Variants in STXBP5L observed in about 807,000 individuals in gnomAD.
STXBP5L encodes syntaxin binding protein 5L.
Under a neutral mutation model 144.5 loss-of-function variants are expected in STXBP5L, and 65 were observed. The ratio of observed to expected loss-of-function variants is 0.45; its 90% CI spans 0.37 to 0.55. The LOEUF is 0.55. Among genes scored for constraint, STXBP5L ranks in the 20% least tolerant of loss-of-function variants. STXBP5L has a pLI of 0.00. For synonymous variants in STXBP5L, 505 were observed against 469.6 expected, an observed-to-expected ratio of 1.08 and a Z score of -0.97; for missense variants, 1,298 against 1,405.5, an observed-to-expected ratio of 0.92 and a Z score of 1.22.
chr3:120,979,201 CA>C (rs1941462531), intron 3 of STXBP5L, among the ~76,000 whole-genome samples: 1 of 152,226 alleles, frequency 6.6e-6, no homozygotes, highest in South Asian at 2.1e-4. Context: ...GGGCTTCCCC[CA>C]GTTGGAGCTT....
chr3:120,971,157 A>C (rs1403790632), intron 3 of STXBP5L, among the ~76,000 whole-genome samples: 1 of 152,070 alleles, frequency 6.6e-6, no homozygotes, highest in East Asian at 1.9e-4. Flanking sequence ...TCTGGTTAGA[A>C]ATTTGGGCCT....
At chr3:120,962,914 A>T (rs1419068363) in intron 3 of STXBP5L, among the ~76,000 whole-genome samples, 1 of 152,218 alleles carries the variant, frequency 6.6e-6, no homozygotes, top group Non-Finnish European at 1.5e-5. Flanking sequence ...TGAGCATGGA[A>T]TATTCTTCCA....
At chr3:120,980,098 C>T (rs551159815) in intron 3 of STXBP5L, among the ~76,000 whole-genome samples, 122 of 152,120 alleles carry the variant, frequency 8.0e-4, no homozygotes, top group African/African-American at 2.9e-3. Flanking sequence ...TACTTGATTT[C>T]AATTTAAAAG....
chr3:121,199,244 T>C (rs1191294), intron 9 of STXBP5L, among the ~76,000 whole-genome samples: 74,324 of 151,914 alleles, frequency 0.49, 18,637 homozygotes, highest in East Asian at 0.73. Flanking sequence ...TTTGTAGCAA[T>C]TATGAATAGG....
chr3:121,012,589 C>T (rs1430630708), intron 3 of STXBP5L, among the ~76,000 whole-genome samples: 1 of 151,746 alleles, frequency 6.6e-6, no homozygotes, highest in East Asian at 1.9e-4. Context: ...TGATGTTGAC[C>T]TTCTTTTCAT....
At chr3:120,970,427 A>C (rs1940110919) in intron 3 of STXBP5L, among the ~76,000 whole-genome samples, 1 of 152,140 alleles carries the variant, frequency 6.6e-6, no homozygotes, top group Admixed American at 6.6e-5. Flanking sequence ...AATGTGTTTA[A>C]ATGATACTTT....
chr3:121,252,873 G>A (rs891696831), intron 15 of STXBP5L, among the ~76,000 whole-genome samples: 6 of 152,134 alleles, frequency 3.9e-5, no homozygotes, highest in Non-Finnish European at 8.8e-5. Flanking sequence ...TGAGACTGAA[G>A]GTTCTCTTCC....
At chr3:121,334,169 G>A (rs1231086002) in intron 20 of STXBP5L, among the ~76,000 whole-genome samples, 1 of 152,146 alleles carries the variant, frequency 6.6e-6, no homozygotes, top group Non-Finnish European at 1.5e-5. Context: ...CCCCGGCCAT[G>A]TGGAACTGTA....
intron 9 of STXBP5L, among the ~76,000 whole-genome samples, chr3:121,199,998 A>C (rs1324405194): frequency 6.6e-6 from 1 of 152,160 alleles, no homozygotes. Context: ...CTGGCCTCAC[A>C]AAATGAGTTA....
At chr3:121,383,784 T>G (rs2046368775) in intron 22 of STXBP5L, among the ~76,000 whole-genome samples, 1 of 152,192 alleles carries the variant, frequency 6.6e-6, no homozygotes. Flanking sequence ...GTCCCGGTCT[T>G]CACTCTCCTT....
At chr3:121,283,651 T>G (rs1559934311) in intron 19 of STXBP5L, among the ~76,000 whole-genome samples, 1 of 152,034 alleles carries the variant, frequency 6.6e-6, no homozygotes. Context: ...ATGGCAGAGT[T>G]GAGTAGCTGC....
chr3:121,002,376 C>A (rs1576624912), intron 3 of STXBP5L, among the ~76,000 whole-genome samples: 1 of 152,164 alleles, frequency 6.6e-6, no homozygotes, highest in Admixed American at 6.5e-5. Flanking sequence ...CTATTCAGGT[C>A]ATTTGCCCAT....
chr3:120,967,553 A>G (rs1452699070), intron 3 of STXBP5L, among the ~76,000 whole-genome samples: 1 of 152,130 alleles, frequency 6.6e-6, no homozygotes, highest in Non-Finnish European at 1.5e-5. Flanking sequence ...TTTTTTCAAA[A>G]CATCATTTTT....
intron 2 of STXBP5L, among the ~76,000 whole-genome samples, chr3:120,937,500 G>A (rs967347070): frequency 3.3e-5 from 5 of 152,108 alleles, no homozygotes; most frequent in African/African-American, 7.2e-5. Context: ...CTTCCCACGC[G>A]GAAGTTTCTG....
intron 20 of STXBP5L, among the ~76,000 whole-genome samples, chr3:121,351,243 G>A (rs770777394): frequency 6.6e-6 from 1 of 152,144 alleles, no homozygotes; most frequent in Non-Finnish European, 1.5e-5. Context: ...CTGTTTGCCT[G>A]GGTATCAGCA....
intron 3 of STXBP5L, among the ~76,000 whole-genome samples, chr3:120,962,723 T>C (rs1488658234): frequency 1.3e-5 from 2 of 152,240 alleles, no homozygotes; most frequent in Non-Finnish European, 2.9e-5. Context: ...TGGCTCCAGC[T>C]TTGTTCATTT....
At chr3:121,349,213 G>A (rs978767847) in intron 20 of STXBP5L, among the ~76,000 whole-genome samples, 16 of 151,972 alleles carry the variant, frequency 1.1e-4, no homozygotes, top group Non-Finnish European at 1.6e-4. Context: ...ATTTTGTTAT[G>A]TACCCAGTAG....
At chr3:121,344,440 T>A (rs931384098) in intron 20 of STXBP5L, among the ~76,000 whole-genome samples, 5 of 151,642 alleles carry the variant, frequency 3.3e-5, no homozygotes, top group Non-Finnish European at 5.9e-5. Flanking sequence ...GCAACATTGG[T>A]CCCCCTAAGC....
intron 2 of STXBP5L, among the ~76,000 whole-genome samples, chr3:120,953,912 T>G (rs1257297859): frequency 6.6e-6 from 1 of 152,194 alleles, no homozygotes; most frequent in Non-Finnish European, 1.5e-5. Context: ...AAAACATTGA[T>G]TCTTTCACTA....
Sources: allele counts gnomAD v4.1 joint callset (sites outside exome capture counted in the v4.1 genomes callset), GRCh38; gene constraint gnomAD v4.1.1; transcripts MANE v1.5; gene names NCBI Gene and HGNC (gene_info 2026-07-23, HGNC 2026-07-21).